The following RFX3 variants were observed in gnomAD, a reference collection of about 807,000 sequenced individuals.
RFX3 encodes the protein regulatory factor X3.
RFX3 carries 14 observed loss-of-function variants against 98.6 expected under a neutral mutation model. The observed-to-expected ratio is 0.14, with a 90% CI of 0.09 to 0.22. The LOEUF is 0.22. RFX3 is among the 10% of genes least tolerant of loss of function. The pLI, the probability that RFX3 is intolerant of heterozygous loss-of-function variation, is 1.00. For missense variants in RFX3, 639 were observed against 926.9 expected, an observed-to-expected ratio of 0.69 and a Z score of 4.03; for synonymous variants, 383 against 328.4, an observed-to-expected ratio of 1.17 and a Z score of -1.80.
Position 3,525,792 on chromosome 9 carries a change from G to T in RFX3, c.-54C>A. The T allele has an allele frequency of 3.6e-6, 2 of 562,622 alleles. No homozygotes were observed. Among genetic ancestry groups the T allele is most frequent in the Non-Finnish European group, 4.5e-6 (2 of 442,952 alleles). 34.9% of individuals were successfully genotyped at this position (562,622 alleles called of 1,614,324 possible). A position where few individuals can be genotyped will look rare whatever the true frequency, so the allele number is the denominator to read the frequency against. On this transcript the variant is annotated 5_prime_UTR_variant, in exon 1 of 17. Coordinates refer to ENST00000617270, the MANE Select transcript of RFX3 (RefSeq NM_001282116.2). ...GTGTTGTTGGTGGGTGATGGAGATGGTGGTGGTGGGGAGGAGGAGGAGGAA... is the reference window on the plus strand; with the variant it reads ...GTGTTGTTGGTGGGTGATGGAGATGTTGGTGGTGGGGAGGAGGAGGAGGAA...
rs1817193094 is a variant in RFX3, at chr9:3,218,650, C to G, written c.*6392G>C. 1 of 152,138 alleles carries G rather than the reference C, an allele frequency of 6.6e-6. No homozygotes were observed. The highest frequency in any genetic ancestry group is 2.1e-4 in the South Asian group (1 of 4,816). 9.4% of individuals were successfully genotyped at this position (152,138 alleles called of 1,614,324 possible). On this transcript the variant is annotated 3_prime_UTR_variant, in exon 17 of 17. Transcript: ENST00000617270. ...AAAATCAAATACATTATACAAAAAA[C>G]CATCACATGTTATTCGGTAAAGATG... is the stretch of plus-strand genomic sequence containing the variant.
At chr9:3,338,521 C>A (rs1587157040) in intron 3 of RFX3, among the ~76,000 whole-genome samples, 1 of 152,092 alleles carries the variant, frequency 6.6e-6, no homozygotes, top group Non-Finnish European at 1.5e-5. Flanking sequence ...CATTTAAATT[C>A]TTTATTTCTG....
rs1587721732 is a variant in RFX3 at position 3,453,059 on chromosome 9, A to G, written c.-8-57463T>C. On this transcript the variant is annotated intron_variant, in intron 1 of 16. Transcript: ENST00000617270. ...CCAGCTTCTTCATCTGCAAAACTGGAATAACAGTACGCACATCCCGTAAGA... is the reference window on the plus strand; with the variant it reads ...CCAGCTTCTTCATCTGCAAAACTGGGATAACAGTACGCACATCCCGTAAGA... Among the ~76,000 whole-genome samples, 3 of 152,338 alleles carry G rather than the reference A, an allele frequency of 2.0e-5. No individual in the cohort carries two copies. The East Asian group carries it at 5.8e-4, about 29-fold the overall frequency.
chr9:3,458,755 C>T (rs759454706), intron 1 of RFX3, among the ~76,000 whole-genome samples: 36 of 152,096 alleles, frequency 2.4e-4, no homozygotes, highest in Middle Eastern at 6.8e-3. Flanking sequence ...TCTACACATG[C>T]TTAATAGATA....
At chr9:3,239,602 C>G (rs552677349) in intron 15 of RFX3, among the ~76,000 whole-genome samples, 1 of 152,312 alleles carries the variant, frequency 6.6e-6, no homozygotes, top group East Asian at 1.9e-4. Flanking sequence ...AGTGAGTGTG[C>G]AGGCGGTGAA....
rs754190394 is a variant in RFX3 at position 3,223,601 on chromosome 9, G to C, written c.*1441C>G. The C allele has an allele frequency of 6.6e-6, 1 of 152,140 alleles. No homozygotes were observed. The highest frequency in any genetic ancestry group is 2.4e-5 in the African/African-American group (1 of 41,428). 9.4% of individuals were successfully genotyped at this position (152,140 alleles called of 1,614,324 possible). On this transcript the variant is annotated 3_prime_UTR_variant, in exon 17 of 17. Transcript: ENST00000617270. ...GTAATCAAGTAATATTCAGCTCTAA[G>C]AATAAAAAATAGATCCACGGTCACT...
intron 1 of RFX3, among the ~76,000 whole-genome samples, chr9:3,444,788 C>G (rs1845895636): frequency 6.6e-6 from 1 of 152,186 alleles, no homozygotes; most frequent in African/African-American, 2.4e-5. Flanking sequence ...TAAAAGGAAG[C>G]TGTATCAGCT....
intron 2 of RFX3, among the ~76,000 whole-genome samples, chr9:3,383,790 A>T (rs191748452): frequency 7.5e-4 from 114 of 152,246 alleles, no homozygotes; most frequent in African/African-American, 2.3e-3. Context: ...AGTGTTCTGC[A>T]TGGGGATGGG....
intron 7 of RFX3, among the ~76,000 whole-genome samples, chr9:3,278,148 A>G (rs1208146007): frequency 6.6e-6 from 1 of 151,920 alleles, no homozygotes; most frequent in East Asian, 1.9e-4. Flanking sequence ...TATTTTCCAT[A>G]CAGCTAAGAT....
chr9:3,509,898 G>C (rs141243147), intron 1 of RFX3, among the ~76,000 whole-genome samples: 1 of 152,074 alleles, frequency 6.6e-6, no homozygotes, highest in African/African-American at 2.4e-5. Flanking sequence ...CATTGTACAA[G>C]TCACTTACCC....
At chr9:3,507,084 C>T (rs1443512979) in intron 1 of RFX3, among the ~76,000 whole-genome samples, 1 of 151,826 alleles carries the variant, frequency 6.6e-6, no homozygotes, top group East Asian at 1.9e-4. Context: ...AGTTCAAAAA[C>T]CTTGATTATG....
At chr9:3,252,449 A>G (rs571094964) in intron 14 of RFX3, among the ~76,000 whole-genome samples, 1 of 152,286 alleles carries the variant, frequency 6.6e-6, no homozygotes, top group African/African-American at 2.4e-5. Context: ...TATCTAGAAA[A>G]TTCTTTCTGA....
At chr9:3,477,036 TATC>T (rs1564152462) in intron 1 of RFX3, among the ~76,000 whole-genome samples, 2 of 152,192 alleles carry the variant, frequency 1.3e-5, no homozygotes. Context: ...AGCTCATAGT[TATC>T]ATTCAAAATT....
intron 11 of RFX3, among the ~76,000 whole-genome samples, chr9:3,266,593 G>A (rs1456900726): frequency 6.6e-6 from 1 of 151,872 alleles, no homozygotes; most frequent in Non-Finnish European, 1.5e-5. Flanking sequence ...TACCAGTTGT[G>A]AATATACTTA....
intron 11 of RFX3, among the ~76,000 whole-genome samples, chr9:3,269,356 T>G (rs1271805496): frequency 6.6e-6 from 1 of 152,058 alleles, no homozygotes; most frequent in East Asian, 1.9e-4. Context: ...CCCCTTTTGT[T>G]CTACTAAATT....
intron 2 of RFX3, among the ~76,000 whole-genome samples, chr9:3,386,728 T>C (rs1839761549): frequency 6.6e-6 from 1 of 152,104 alleles, no homozygotes; most frequent in Non-Finnish European, 1.5e-5. Flanking sequence ...TGTCCAGAAG[T>C]GCACAGTTTC....
intron 2 of RFX3, among the ~76,000 whole-genome samples, chr9:3,391,979 T>A (rs896461640): frequency 1.3e-5 from 2 of 152,080 alleles, no homozygotes; most frequent in African/African-American, 4.8e-5. Context: ...CCCAACTCTT[T>A]CCCCAACTCA....
intron 16 of RFX3, among the ~76,000 whole-genome samples, chr9:3,226,866 A>G (rs888914964): frequency 2.0e-5 from 3 of 152,214 alleles, no homozygotes; most frequent in African/African-American, 7.2e-5. Context: ...TTGTGATAAT[A>G]AAGCTTCACT....
intron 1 of RFX3, among the ~76,000 whole-genome samples, chr9:3,422,953 A>C (rs903851109): frequency 6.6e-6 from 1 of 152,208 alleles, no homozygotes; most frequent in Admixed American, 6.5e-5. Flanking sequence ...ACTTTTGTCA[A>C]GAAAATAAAG....
Sources: gnomAD v4.1 joint callset for allele counts (sites outside exome capture counted in the v4.1 genomes callset) on GRCh38, gnomAD v4.1.1 for gene constraint, MANE v1.5 for transcripts, NCBI Gene and HGNC (gene_info 2026-07-23, HGNC 2026-07-21) for gene names.